PARD3: variants seen among roughly 807,000 people sequenced by gnomAD.
PARD3 encodes partitioning defective 3 homolog.
Under a neutral mutation model 155.4 loss-of-function variants are expected in PARD3, and 75 were observed. That is an observed-to-expected ratio of 0.48 (90% CI 0.40 to 0.58). The LOEUF is 0.58. Ranked by LOEUF, PARD3 falls within the 20% of genes least tolerant of loss-of-function variation. PARD3 has a pLI of 0.00. For synonymous variants in PARD3, 576 were observed against 610.5 expected, an observed-to-expected ratio of 0.94 and a Z score of 0.83; for missense variants, 1,642 against 1,721.7, an observed-to-expected ratio of 0.95 and a Z score of 0.82.
intron 22 of PARD3, among the ~76,000 whole-genome samples, chr10:34,215,466 G>A (rs1047219799): frequency 2.0e-5 from 3 of 152,166 alleles, no homozygotes; most frequent in Non-Finnish European, 2.9e-5. Context: ...CCAATTCATA[G>A]CACATATGTT....
intron 6 of PARD3, among the ~76,000 whole-genome samples, chr10:34,400,231 T>C (rs981816688): frequency 6.6e-6 from 1 of 152,218 alleles, no homozygotes; most frequent in Non-Finnish European, 1.5e-5. Context: ...TTCGCCCCAG[T>C]ATTCTGAGTA....
intron 5 of PARD3, among the ~76,000 whole-genome samples, chr10:34,437,964 T>A (rs1425323884): frequency 6.6e-6 from 1 of 152,236 alleles, no homozygotes; most frequent in Non-Finnish European, 1.5e-5. Context: ...GAACACTTTT[T>A]TGGCTTTTCC....
intron 1 of PARD3, among the ~76,000 whole-genome samples, chr10:34,756,276 C>G (rs1836716175): frequency 6.7e-6 from 1 of 150,350 alleles, no homozygotes; most frequent in Non-Finnish European, 1.5e-5. Flanking sequence ...GCCTCAGCCT[C>G]CTGAGTAGCT....
chr10:34,234,605 A>G (rs758705613), intron 22 of PARD3, among the ~76,000 whole-genome samples: 22 of 152,194 alleles, frequency 1.4e-4, no homozygotes, highest in Non-Finnish European at 1.8e-4. Flanking sequence ...GCCAAATGTC[A>G]TCTTCCCAAA....
intron 11 of PARD3, among the ~76,000 whole-genome samples, chr10:34,373,139 G>A (rs1480122387): frequency 2.0e-5 from 3 of 151,938 alleles, no homozygotes; most frequent in Admixed American, 6.6e-5. Context: ...AAATAGTTAC[G>A]TCTACTGGAT....
chr10:34,276,230 T>C (rs1402310315), intron 21 of PARD3, among the ~76,000 whole-genome samples: 1 of 120,540 alleles, frequency 8.3e-6, no homozygotes, highest in Non-Finnish European at 1.8e-5. Context: ...CAAGCATAAA[T>C]ACATCTTTCC....
chr10:34,390,685 C>CT (rs1842796623), intron 7 of PARD3, among the ~76,000 whole-genome samples: 1 of 152,130 alleles, frequency 6.6e-6, no homozygotes, highest in Non-Finnish European at 1.5e-5. Flanking sequence ...CAGTCACTGA[C>CT]TGACACAGAG....
intron 5 of PARD3, among the ~76,000 whole-genome samples, chr10:34,404,054 G>C (rs1279548819): frequency 1.3e-5 from 2 of 152,114 alleles, no homozygotes; most frequent in Non-Finnish European, 2.9e-5. Context: ...TTCACACATT[G>C]TTCCCACAGT....
intron 2 of PARD3, among the ~76,000 whole-genome samples, chr10:34,573,489 C>T (rs2086601839): frequency 6.6e-6 from 1 of 151,534 alleles, no homozygotes; most frequent in Non-Finnish European, 1.5e-5. Context: ...ATTGCCTGAG[C>T]TCAGCAGTTC....
chr10:34,209,788 A>C (rs1765169), intron 22 of PARD3, among the ~76,000 whole-genome samples: 99,832 of 152,096 alleles, frequency 0.66, 33,912 homozygotes, highest in African/African-American at 0.77. Flanking sequence ...TGGGAGAGAA[A>C]GCATTTAGTA....
At chr10:34,139,779 C>T (rs1948085590) in intron 22 of PARD3, among the ~76,000 whole-genome samples, 1 of 152,160 alleles carries the variant, frequency 6.6e-6, no homozygotes, top group Non-Finnish European at 1.5e-5. Flanking sequence ...GTCAGCATGA[C>T]AAAGTGGATA....
chr10:34,565,670 G>A (rs537911715), intron 2 of PARD3, among the ~76,000 whole-genome samples: 1 of 152,186 alleles, frequency 6.6e-6, no homozygotes, highest in South Asian at 2.1e-4. Context: ...TGCACAGTGT[G>A]CCTCACACCA....
chr10:34,700,894 G>A (rs992813632), intron 1 of PARD3, among the ~76,000 whole-genome samples: 1 of 152,106 alleles, frequency 6.6e-6, no homozygotes, highest in African/African-American at 2.4e-5. Context: ...AGAATCACTT[G>A]AACCTGGGAG....
At chr10:34,640,128 C>A (rs2092622826) in intron 2 of PARD3, among the ~76,000 whole-genome samples, 1 of 152,156 alleles carries the variant, frequency 6.6e-6, no homozygotes, top group Non-Finnish European at 1.5e-5. Context: ...ACAAGCGAGG[C>A]TACAGCAATG....
At chr10:34,301,818 C>CTT (rs5784408) in intron 20 of PARD3, among the ~76,000 whole-genome samples, 46,595 of 125,586 alleles carry the variant, frequency 0.37, 9,886 homozygotes, top group South Asian at 0.51. Flanking sequence ...TTTCTCCTTT[C>CTT]TTTTTTTTTT....
At chr10:34,437,664 A>G (rs562876569) in intron 5 of PARD3, among the ~76,000 whole-genome samples, 29 of 152,262 alleles carry the variant, frequency 1.9e-4, no homozygotes, top group African/African-American at 7.0e-4. Flanking sequence ...TGGACTCTCT[A>G]AAGAAAAAAA....
intron 3 of PARD3, among the ~76,000 whole-genome samples, chr10:34,496,393 A>G (rs1407072544): frequency 6.6e-6 from 1 of 152,220 alleles, no homozygotes; most frequent in Non-Finnish European, 1.5e-5. Context: ...TTACAGTAAT[A>G]ACAGGTAGAC....
intron 20 of PARD3, among the ~76,000 whole-genome samples, chr10:34,290,214 C>T (rs570363539): frequency 1.4e-3 from 206 of 152,204 alleles, no homozygotes; most frequent in African/African-American, 4.6e-3. Context: ...TGTGTTTTTC[C>T]TAATACCATA....
intron 3 of PARD3, among the ~76,000 whole-genome samples, chr10:34,506,468 G>A (rs773976): frequency 0.52 from 78,265 of 151,916 alleles, 23,695 homozygotes; most frequent in African/African-American, 0.86. Context: ...TATATTGATG[G>A]CCTCAATGGG....
Sources: allele counts gnomAD v4.1 joint callset (sites outside exome capture counted in the v4.1 genomes callset), GRCh38; gene constraint gnomAD v4.1.1; transcripts MANE v1.5; gene names NCBI Gene and HGNC (gene_info 2026-07-23, HGNC 2026-07-21).